The following ACYP2 variants were observed in gnomAD, a reference collection of about 807,000 sequenced individuals.
ACYP2 encodes acylphosphatase-2.
Under a neutral mutation model 11.2 loss-of-function variants are expected in ACYP2, and 12 were observed. The observed-to-expected ratio is 1.08, with a 90% CI of 0.69 to 1.74. The LOEUF (loss-of-function observed/expected upper bound fraction) is 1.74, where lower values mean the gene tolerates loss of function less well. Ranked by LOEUF, ACYP2 falls within the 40% of genes most tolerant of loss-of-function variation. The pLI, the probability that ACYP2 is intolerant of heterozygous loss-of-function variation, is 0.00. For missense variants in ACYP2, 134 were observed against 101.9 expected, an observed-to-expected ratio of 1.31 and a Z score of -1.35; for synonymous variants, 43 against 32.2, an observed-to-expected ratio of 1.33 and a Z score of -1.13.
intron 6 of ACYP2, among the ~76,000 whole-genome samples, chr2:54,257,147 G>C (rs116626612): frequency 0.022 from 3,317 of 152,162 alleles, 117 homozygotes; most frequent in African/African-American, 0.074. Flanking sequence ...GCGGAGACGG[G>C]AGGATCAGTT....
At chr2:54,260,924 C>T (rs751313471) in intron 6 of ACYP2, among the ~76,000 whole-genome samples, 1 of 152,014 alleles carries the variant, frequency 6.6e-6, no homozygotes, top group South Asian at 2.1e-4. Flanking sequence ...ACAGTAGCAA[C>T]GTTTTAGGGC....
In ACYP2 at chr2:54,166,148, C is replaced by G. The variant is rs370364545; in HGVS notation, c.404+27400C>G. Among the ~76,000 whole-genome samples, 244 of 152,252 alleles carry G rather than the reference C, an allele frequency of 1.6e-3. 1 individual carries two copies. Among genetic ancestry groups the G allele is most frequent in the South Asian group, 2.9e-3 (14 of 4,820 alleles). On this transcript the variant is annotated intron_variant, in intron 6 of 6. Transcript: ENST00000607452. ...TGCCTGGTTAGTCAGTCAAGGAAAC[C>G]AAAGTGTGTGCGCTCCACTTGACCA...
chr2:54,121,730 G>A (rs1268214261), intron 4 of ACYP2, among the ~76,000 whole-genome samples: 1 of 152,192 alleles, frequency 6.6e-6, no homozygotes, highest in Non-Finnish European at 1.5e-5. Flanking sequence ...TTTATTTATA[G>A]TAGTTATACT....
At chr2:54,133,452 C>T (rs749436178) in intron 4 of ACYP2, among the ~76,000 whole-genome samples, 4 of 151,672 alleles carry the variant, frequency 2.6e-5, no homozygotes, top group Non-Finnish European at 5.9e-5. Context: ...CTTTTGAGTA[C>T]GAAAAAGTAA....
chr2:53,986,131 A>G (rs1314894006), intron 2 of ACYP2, among the ~76,000 whole-genome samples: 3 of 151,722 alleles, frequency 2.0e-5, no homozygotes, highest in African/African-American at 7.3e-5. Context: ...CATCTCAAAA[A>G]TAATAATAAT....
intron 6 of ACYP2, among the ~76,000 whole-genome samples, chr2:54,147,370 C>A (rs1572854878): frequency 6.6e-6 from 1 of 152,092 alleles, no homozygotes; most frequent in Admixed American, 6.5e-5. Flanking sequence ...AATGTCAGAT[C>A]TATGCGTTCT....
chr2:54,213,970 C>A (rs1685447011), intron 6 of ACYP2, among the ~76,000 whole-genome samples: 1 of 151,948 alleles, frequency 6.6e-6, no homozygotes, highest in African/African-American at 2.4e-5. Flanking sequence ...GACAAGATCT[C>A]CCTGGTCTTG....
chr2:54,191,363 T>C (rs1316925030), intron 6 of ACYP2, among the ~76,000 whole-genome samples: 1 of 152,180 alleles, frequency 6.6e-6, no homozygotes, highest in Admixed American at 6.5e-5. Context: ...TATTTCTTGA[T>C]CTTGGCAAAC....
At chr2:54,003,369 C>A (rs1294239582) in intron 2 of ACYP2, among the ~76,000 whole-genome samples, 1 of 151,778 alleles carries the variant, frequency 6.6e-6, no homozygotes, top group Non-Finnish European at 1.5e-5. Context: ...AAGCGATTCT[C>A]CTGCCTCAGC....
intron 4 of ACYP2, among the ~76,000 whole-genome samples, chr2:54,129,322 G>T (rs1442955513): frequency 3.3e-5 from 5 of 152,048 alleles, no homozygotes; most frequent in South Asian, 4.1e-4. Flanking sequence ...TTTCAGAAAT[G>T]AAGTCTTGCT....
In ACYP2 at chr2:54,079,518, T is replaced by C. The variant is rs545756932; in HGVS notation, c.277+22158T>C. Among the ~76,000 whole-genome samples, 15 of 152,324 alleles carry C rather than the reference T, an allele frequency of 9.8e-5. No homozygotes were observed. In the East Asian group the frequency reaches 2.5e-3, roughly 25 times the overall value. On this transcript the variant is annotated intron_variant, in intron 4 of 6. Coordinates refer to ENST00000607452, the MANE Select transcript of ACYP2 (RefSeq NM_001320586.2). ...CACAGTACAGATGAAAGCTTGGAAC[T>C]GCTACAGTTCCATGGAGGAAGTCAG...
intron 6 of ACYP2, among the ~76,000 whole-genome samples, chr2:54,295,902 A>G (rs925706280): frequency 6.6e-6 from 1 of 152,080 alleles, no homozygotes; most frequent in Non-Finnish European, 1.5e-5. Flanking sequence ...CTGGAATTAC[A>G]GGCACCCACC....
At chr2:54,279,979 T>G (rs1688773702) in intron 6 of ACYP2, among the ~76,000 whole-genome samples, 1 of 152,196 alleles carries the variant, frequency 6.6e-6, no homozygotes, top group Admixed American at 6.5e-5. Flanking sequence ...TAAGATAAAC[T>G]TCAACTACAG....
chr2:54,223,749 A>G (rs1211607451), intron 6 of ACYP2, among the ~76,000 whole-genome samples: 2 of 152,192 alleles, frequency 1.3e-5, no homozygotes, highest in Non-Finnish European at 2.9e-5. Flanking sequence ...TTCTAATATA[A>G]TTTTAATTAG....
At chr2:54,063,674 G>C (rs143202069) in intron 4 of ACYP2, among the ~76,000 whole-genome samples, 1 of 152,216 alleles carries the variant, frequency 6.6e-6, no homozygotes, top group Non-Finnish European at 1.5e-5. Flanking sequence ...AGATGAGGGG[G>C]TGTTAAAGGA....
At chr2:54,280,691 T>A (rs1688810397) in intron 6 of ACYP2, among the ~76,000 whole-genome samples, 1 of 152,216 alleles carries the variant, frequency 6.6e-6, no homozygotes, top group Non-Finnish European at 1.5e-5. Context: ...ATTTAGCAAC[T>A]TGGTGGTCTG....
At chr2:54,294,858 G>C (rs1367408927) in intron 6 of ACYP2, among the ~76,000 whole-genome samples, 5 of 151,874 alleles carry the variant, frequency 3.3e-5, no homozygotes, top group African/African-American at 7.3e-5. Flanking sequence ...TGAGGCCACA[G>C]TGAGTCATGA....
intron 4 of ACYP2, among the ~76,000 whole-genome samples, chr2:54,091,493 A>T (rs889367358): frequency 7.7e-6 from 1 of 130,600 alleles, no homozygotes; most frequent in African/African-American, 4.0e-5. Flanking sequence ...TCTTGATTTT[A>T]TTTATTTATT....
chr2:54,146,292 T>C (rs1259769629), intron 6 of ACYP2, among the ~76,000 whole-genome samples: 1 of 152,234 alleles, frequency 6.6e-6, no homozygotes, highest in Non-Finnish European at 1.5e-5. Flanking sequence ...TTATCTCTCT[T>C]CTCCATTTTC....
Sources: gnomAD v4.1 joint callset for allele counts (sites outside exome capture counted in the v4.1 genomes callset) on GRCh38, gnomAD v4.1.1 for gene constraint, MANE v1.5 for transcripts, NCBI Gene and HGNC (gene_info 2026-07-23, HGNC 2026-07-21) for gene names.